The following HGF variants were observed in gnomAD, a reference collection of about 807,000 sequenced individuals.
HGF encodes the protein fibroblast-derived tumor cytotoxic factor.
In HGF, 39 loss-of-function variants were observed where a neutral mutation model predicts 111.6. That is an observed-to-expected ratio of 0.35 (90% CI 0.27 to 0.46). HGF has a LOEUF of 0.46. HGF is among the 20% of genes least tolerant of loss of function. The pLI, the probability that HGF is intolerant of heterozygous loss-of-function variation, is 1.00. For synonymous variants in HGF, 285 were observed against 294.8 expected (o/e 0.97, Z 0.34); for missense variants, 735 against 910.5 (o/e 0.81, Z 2.48).
rs1163152705 is a variant in HGF, at chr7:81,757,352, A to T, written c.368-49T>A. On this transcript the variant is annotated intron_variant, in intron 3 of 17. Transcript: ENST00000222390. ...TATTGCAACTATGCAAAACATATGC[A>T]GTATTTAAGAAAAAAATTCCGTTCA... The T allele has an allele frequency of 5.3e-6, 5 of 950,994 alleles. No homozygotes were observed. The Admixed American group carries it at 8.6e-5, about 16-fold the overall frequency. 58.9% of individuals were successfully genotyped at this position (950,994 alleles called of 1,614,324 possible).
chr7:81,758,047 T>C (rs1166660846), intron 3 of HGF, among the ~76,000 whole-genome samples: 3 of 152,092 alleles, frequency 2.0e-5, no homozygotes, highest in Admixed American at 6.5e-5. Context: ...CCAGGTTATG[T>C]ATCTGAATTT....
intron 7 of HGF, among the ~76,000 whole-genome samples, chr7:81,731,272 C>T (rs1414370269): frequency 6.6e-6 from 1 of 152,096 alleles, no homozygotes; most frequent in Non-Finnish European, 1.5e-5. Flanking sequence ...AACTTTATTG[C>T]AGCCCATTTA....
At chr7:81,751,263 T>C in intron 5 of HGF, 1 of 984,062 alleles carries the variant, frequency 1.0e-6, no homozygotes, top group Non-Finnish European at 1.2e-6. Flanking sequence ...CCTAACAATT[T>C]TCTAACAGAG....
intron 9 of HGF, among the ~76,000 whole-genome samples, chr7:81,721,524 A>G (rs1442401426): frequency 2.6e-5 from 4 of 152,190 alleles, no homozygotes; most frequent in African/African-American, 9.7e-5. Context: ...AATATAACGA[A>G]CATTCATCTC....
At chr7:81,761,146 A>G (rs1358119478) in intron 2 of HGF, among the ~76,000 whole-genome samples, 1 of 151,512 alleles carries the variant, frequency 6.6e-6, no homozygotes, top group Non-Finnish European at 1.5e-5. Context: ...CAACTGCTGG[A>G]ACATCTCCAT....
Position 81,729,670 on chromosome 7 carries a change from T to C in HGF, c.975A>G (p.Pro325=), listed in dbSNP as rs1229600246. Residue 325 remains proline, a synonymous_variant, in exon 8 of 18, where the codon CCA becomes CCG. Coordinates refer to ENST00000222390, the MANE Select transcript of HGF (RefSeq NM_000601.6). Reference sequence around the variant, plus strand: ...GATACTGAGAATCCCAACGCTGACATGGAATTCCATTCCAAATGGTATTGA... The same window carrying C: ...GATACTGAGAATCCCAACGCTGACACGGAATTCCATTCCAAATGGTATTGA... ...GTVNTIWNGI[P]CQRWDSQYPH... is the part of the protein sequence containing the mutation. 1.9e-6 allele frequency: 3 copies of C among 1,613,986 alleles called. No individual in the cohort carries two copies. The highest frequency in any genetic ancestry group is 1.7e-5 in the Admixed American group (1 of 60,012).
At chr7:81,733,140 A>G (rs1170116560) in intron 7 of HGF, among the ~76,000 whole-genome samples, 15 of 152,030 alleles carry the variant, frequency 9.9e-5, no homozygotes, top group Non-Finnish European at 1.9e-4. Context: ...AAGTCATTGA[A>G]CATTCATTTT....
Position 81,726,063 on chromosome 7 carries a change from T to C in HGF, c.1041-46A>G, listed in dbSNP as rs1245986151. ...AATGTAAATTGCCGGAGTTCTTACG[T>C]TGGTGAAGTCAGCGCTATTACATTT... On this transcript the variant is annotated intron_variant, in intron 8 of 17. Coordinates refer to ENST00000222390, the MANE Select transcript of HGF (RefSeq NM_000601.6). 7 of 1,593,694 alleles carry C rather than the reference T, an allele frequency of 4.4e-6. No homozygotes were observed. In the South Asian group the frequency reaches 6.6e-5, roughly 15 times the overall value.
intron 15 of HGF, among the ~76,000 whole-genome samples, chr7:81,706,021 A>G (rs2115769064): frequency 6.6e-6 from 1 of 152,082 alleles, no homozygotes; most frequent in Middle Eastern, 3.4e-3. Context: ...AAAGTTATCA[A>G]ATAACTGCTG....
intron 9 of HGF, among the ~76,000 whole-genome samples, chr7:81,723,852 G>A (rs1032907024): frequency 4.0e-5 from 6 of 150,964 alleles, no homozygotes; most frequent in African/African-American, 1.5e-4. Context: ...ATATATATCT[G>A]TGTGTGTAGA....
chr7:81,739,333 C>A (rs1787930924), intron 7 of HGF, among the ~76,000 whole-genome samples: 1 of 151,964 alleles, frequency 6.6e-6, no homozygotes, highest in Non-Finnish European at 1.5e-5. Context: ...TTTTATTCTT[C>A]ACCTCATCAT....
intron 5 of HGF, 78 bp from the exon 6 acceptor site, chr7:81,745,198 G>A: frequency 6.8e-7 from 1 of 1,464,382 alleles, no homozygotes; most frequent in Non-Finnish European, 9.5e-7. Context: ...TTAAAGAACA[G>A]CACCTGTTTA....
At chr7:81,724,595 G>A (rs556761598) in intron 9 of HGF, among the ~76,000 whole-genome samples, 12 of 151,840 alleles carry the variant, frequency 7.9e-5, no homozygotes, top group South Asian at 6.2e-4. Context: ...ATTATTTTAC[G>A]TTCATGGGTA....
chr7:81,743,681 G>C (rs1245967905), intron 6 of HGF, among the ~76,000 whole-genome samples: 2 of 152,066 alleles, frequency 1.3e-5, no homozygotes, highest in Non-Finnish European at 2.9e-5. Flanking sequence ...TCATCCCCTG[G>C]CTAATAAGTT....
intron 1 of HGF, among the ~76,000 whole-genome samples, chr7:81,765,018 G>T (rs116827581): frequency 2.0e-5 from 3 of 151,792 alleles, no homozygotes; most frequent in Admixed American, 6.6e-5. Context: ...TTTTATACAC[G>T]TATTTCTTAA....
chr7:81,747,568 A>G (rs1175321351), intron 5 of HGF, among the ~76,000 whole-genome samples: 1 of 152,244 alleles, frequency 6.6e-6, no homozygotes, highest in Non-Finnish European at 1.5e-5. Flanking sequence ...ATAATGTTAC[A>G]TTTTAGAAAG....
Position 81,706,333 on chromosome 7 carries a change from C to T in HGF, c.1711G>A (p.Val571Ile), listed in dbSNP as rs1332434899. The T allele has an allele frequency of 6.2e-7, 1 of 1,612,646 alleles. No homozygotes were observed. Among genetic ancestry groups the T allele is most frequent in the South Asian group, 1.1e-5 (1 of 91,044 alleles). The change falls in exon 15 of 18, where the codon GTA becomes ATA. Residue 571 changes from valine to isoleucine, a missense_variant. Around this residue, in one of 3 missense-constraint regions of HGF, gnomAD observed 130 missense variants for 129.9 expected, o/e 1.00. Transcript: ENST00000222390. Reference protein sequence around the residue: ...CKQVLNVSQLVYGPEGSDLVL... With the variant: ...CKQVLNVSQLIYGPEGSDLVL... Reference sequence around the variant, plus strand: ...AGATCTGATCCTTCAGGGCCATATACCAGCTGGGAAACATTGAGAACCTGT... The same window carrying T: ...AGATCTGATCCTTCAGGGCCATATATCAGCTGGGAAACATTGAGAACCTGT...
At chr7:81,705,779 G>T (rs2115767436) in intron 15 of HGF, 26 bp from the exon 16 acceptor site, 1 of 1,351,260 alleles carries the variant, frequency 7.4e-7, no homozygotes, top group Non-Finnish European at 1.1e-6. Flanking sequence ...ACAATGGTAA[G>T]TACTCTCAAC....
chr7:81,746,016 A>G (rs1788231770), intron 5 of HGF, among the ~76,000 whole-genome samples: 2 of 152,190 alleles, frequency 1.3e-5, no homozygotes, highest in Admixed American at 6.5e-5. Flanking sequence ...TTCCTTAAAC[A>G]CATCATTTGT....
Sources: allele counts gnomAD v4.1 joint callset (sites outside exome capture counted in the v4.1 genomes callset), GRCh38; gene constraint gnomAD v4.1.1; regional missense constraint gnomAD v4.1.1; transcripts MANE v1.5; gene names NCBI Gene and HGNC (gene_info 2026-07-23, HGNC 2026-07-21).